The following SMG7 variants were observed in gnomAD, a reference collection of about 807,000 sequenced individuals.
SMG7 encodes the protein nonsense-mediated mRNA decay factor SMG7.
SMG7 carries 34 observed loss-of-function variants against 148.2 expected under a neutral mutation model. That is an observed-to-expected ratio of 0.23 (90% CI 0.17 to 0.31). The LOEUF (loss-of-function observed/expected upper bound fraction) is 0.31. Ranked by LOEUF, SMG7 falls within the 10% of genes least tolerant of loss-of-function variation. The probability of loss-of-function intolerance (pLI) is 1.00; values close to 1 mark genes in which losing one functional copy is unlikely to be tolerated. For missense variants in SMG7, 1,114 were observed against 1,408.4 expected (o/e 0.79, Z 3.35); for synonymous variants, 492 against 515.1 (o/e 0.96, Z 0.61).
intron 4 of SMG7, among the ~76,000 whole-genome samples, chr1:183,525,806 G>A (rs996919833): frequency 3.3e-5 from 5 of 152,116 alleles, no homozygotes; most frequent in African/African-American, 1.2e-4. Flanking sequence ...TGTACACTAC[G>A]GTGAGATTCG....
intron 1 of SMG7, among the ~76,000 whole-genome samples, chr1:183,483,418 G>T (rs1327022370): frequency 1.3e-5 from 2 of 152,106 alleles, no homozygotes; most frequent in Non-Finnish European, 2.9e-5. Flanking sequence ...TAGTAGTGAG[G>T]TAATCAAAGG....
rs141934208 is a variant in SMG7 at position 183,545,139 on chromosome 1, C to G, written c.2197C>G (p.Pro733Ala). ...TGGACCAGGGCCAATGAACCAGGGACCTCAACAATCACAGCCACCTTCCCA... is the reference window on the plus strand; with the variant it reads ...TGGACCAGGGCCAATGAACCAGGGAGCTCAACAATCACAGCCACCTTCCCA... ...PSGPGPMNQGPQQSQPPSQQP... is the reference protein window; with the variant it reads ...PSGPGPMNQGAQQSQPPSQQP... The change falls in exon 16 of 23, where the codon CCT becomes GCT. Residue 733 changes from proline (P) to alanine (A), a missense_variant. Transcript: ENST00000688051. The G allele has an allele frequency of 1.2e-5, 19 of 1,613,976 alleles. No individual in the cohort carries two copies. The African/African-American group carries it at 2.1e-4, about 18-fold the overall frequency.
At chr1:183,494,990 A>T (rs183341076) in intron 1 of SMG7, among the ~76,000 whole-genome samples, 1 of 151,472 alleles carries the variant, frequency 6.6e-6, no homozygotes, top group East Asian at 1.9e-4. Context: ...CACCATGCCC[A>T]GCTAATTTTG....
At chr1:183,518,561 T>G (rs1664094574) in intron 4 of SMG7, 2 of 152,240 alleles carry the variant, frequency 1.3e-5, no homozygotes, top group African/African-American at 4.8e-5. Context: ...GATTTTGAGA[T>G]GTTATTAAAC....
intron 3 of SMG7, among the ~76,000 whole-genome samples, chr1:183,517,369 T>C (rs1215045102): frequency 6.6e-6 from 1 of 152,236 alleles, no homozygotes; most frequent in Non-Finnish European, 1.5e-5. Flanking sequence ...ATTTTTACTT[T>C]GATCTTGCCA....
intron 1 of SMG7, among the ~76,000 whole-genome samples, chr1:183,508,718 G>A: frequency 6.6e-6 from 1 of 152,040 alleles, no homozygotes; most frequent in East Asian, 1.9e-4. Context: ...GGATATTTTG[G>A]GGATACAGAA....
At chr1:183,494,016 C>T (rs1241066467) in intron 1 of SMG7, among the ~76,000 whole-genome samples, 3 of 152,094 alleles carry the variant, frequency 2.0e-5, no homozygotes, top group Non-Finnish European at 4.4e-5. Flanking sequence ...GAAACAGGGT[C>T]TTGCTCTGTT....
Position 183,552,694 on chromosome 1 carries a change from A to G in SMG7, c.*763A>G, listed in dbSNP as rs1671250154. 3 of 1,223,218 alleles carry G rather than the reference A, an allele frequency of 2.5e-6. No individual in the cohort carries two copies. The Admixed American group carries it at 1.2e-4, about 48-fold the overall frequency. 75.8% of individuals were successfully genotyped at this position (1,223,218 alleles called of 1,614,324 possible). ...AGTGTGGGTGGTGGTGCTGGGCTGG[A>G]CTAGCAGGTAGACTGCTGTAGGATT... On this transcript the variant is annotated 3_prime_UTR_variant, in exon 23 of 23. Coordinates refer to ENST00000688051, the MANE Select transcript of SMG7 (RefSeq NM_001375584.1).
intron 4 of SMG7, among the ~76,000 whole-genome samples, chr1:183,523,550 A>G (rs1204203250): frequency 1.3e-5 from 2 of 152,214 alleles, no homozygotes; most frequent in Non-Finnish European, 2.9e-5. Flanking sequence ...ACTACTACAA[A>G]GTAATGTACA....
At chr1:183,519,896 A>G (rs1024599462) in intron 4 of SMG7, among the ~76,000 whole-genome samples, 6 of 152,196 alleles carry the variant, frequency 3.9e-5, no homozygotes, top group African/African-American at 1.4e-4. Context: ...GTTTAAAGTG[A>G]AAGTTTAAAT....
At chr1:183,538,240 A>G in intron 11 of SMG7, 140 bp from the exon 12 acceptor site, 1 of 626,662 alleles carries the variant, frequency 1.6e-6, no homozygotes, top group Non-Finnish European at 2.9e-6. Flanking sequence ...TTTCATCAGG[A>G]TCATGATAAA....
At position 183,553,071 on chromosome 1, in the gene SMG7, C is replaced by G; in HGVS notation, c.*1140C>G. The G allele has an allele frequency of 1.3e-6, 2 of 1,536,204 alleles. No individual in the cohort carries two copies. The highest frequency in any genetic ancestry group is 2.4e-5 in the South Asian group (2 of 84,064). ...TGCGTAGCCCACAGAGGGCCCAGGC[C>G]CCTGCCCAGCTGCAGTCTCCCAGCC... On this transcript the variant is annotated 3_prime_UTR_variant, in exon 23 of 23. Coordinates refer to ENST00000688051, the MANE Select transcript of SMG7 (RefSeq NM_001375584.1).
intron 1 of SMG7, chr1:183,473,700 T>C (rs1202748122): frequency 2.0e-6 from 2 of 978,798 alleles, no homozygotes; most frequent in East Asian, 2.3e-4. Context: ...GACTTTAAAA[T>C]TGGTCCTTTT....
Position 183,494,368 on chromosome 1 carries a change from G to GT in SMG7, c.30-18459dup, listed in dbSNP as rs375262010. ...AATTTAGGGGACTTTTTTGGTTTTTGTTTTTTTTTTCTTAAAACAATAAAT... is the reference window on the plus strand; with the variant it reads ...AATTTAGGGGACTTTTTTGGTTTTTGTTTTTTTTTTTCTTAAAACAATAAAT... On this transcript the variant is annotated intron_variant, in intron 1 of 22. Transcript: ENST00000688051. 1.3e-3 allele frequency among the ~76,000 whole-genome samples: 182 copies of GT among 142,874 alleles called. 1 individual carries two copies. Among genetic ancestry groups the GT allele is most frequent in the African/African-American group, 4.0e-3 (157 of 39,334 alleles). The allele number at this position is 142,874 out of a possible 152,430, so 93.7% of individuals were successfully genotyped here. A position where few individuals can be genotyped will look rare whatever the true frequency, so the allele number is the denominator to read the frequency against.
Position 183,544,481 on chromosome 1 carries a change from T to C in SMG7, c.1971T>C (p.Pro657=). ...IPIHHPGAFP[P]LPSRPGFPPP... ...TTCATCACCCTGGAGCCTTCCCTCC[T>C]CTTCCCAGCAGGCCAGGTAAATATG... The change falls in exon 15 of 23, where the codon CCT becomes CCC. Residue 657 remains proline, a synonymous_variant. Coordinates refer to ENST00000688051, the MANE Select transcript of SMG7 (RefSeq NM_001375584.1). 1 of 1,613,804 alleles carries C rather than the reference T, an allele frequency of 6.2e-7. No individual in the cohort carries two copies. The highest frequency in any genetic ancestry group is 1.1e-5 in the South Asian group (1 of 91,060).
chr1:183,523,208 A>G (rs1039089755), intron 4 of SMG7, among the ~76,000 whole-genome samples: 1 of 152,234 alleles, frequency 6.6e-6, no homozygotes, highest in Non-Finnish European at 1.5e-5. Context: ...CTATACCTTC[A>G]TAATCAATCT....
chr1:183,551,314 C>A, intron 22 of SMG7, 124 bp downstream of exon 22: 1 of 878,218 alleles, frequency 1.1e-6, no homozygotes, highest in Non-Finnish European at 1.7e-6. Flanking sequence ...ACATATATAA[C>A]AAAGTCCTAG....
At chr1:183,475,392 A>G (rs1651902715) in intron 1 of SMG7, among the ~76,000 whole-genome samples, 1 of 152,218 alleles carries the variant, frequency 6.6e-6, no homozygotes. Context: ...TGATAAGGTG[A>G]CCATATTTAA....
rs1017437558 is a variant in SMG7 at position 183,541,080 on chromosome 1, A to G, written c.1392A>G (p.Lys464=). 1 of 1,613,568 alleles carries G rather than the reference A, an allele frequency of 6.2e-7. No individual in the cohort carries two copies. The highest frequency in any genetic ancestry group is 1.3e-5 in the African/African-American group (1 of 75,048). ...AGCAACGCTTGATCTCTATAGGCAA[A>G]TGGATTGCTGATAATCAGCCAAGGT... ...IRQQRLISIG[K]WIADNQPRLI... The change falls in exon 13 of 23, where the codon AAA becomes AAG. Residue 464 remains lysine (K), a synonymous_variant. Transcript: ENST00000688051.
Sources: allele counts gnomAD v4.1 joint callset (sites outside exome capture counted in the v4.1 genomes callset), GRCh38; gene constraint gnomAD v4.1.1; transcripts MANE v1.5; gene names NCBI Gene and HGNC (gene_info 2026-07-23, HGNC 2026-07-21).